Variants in GALNTL6 observed in about 807,000 individuals in gnomAD.
The protein encoded by GALNTL6 is polypeptide N-acetylgalactosaminyltransferase like 6.
GALNTL6 carries 46 observed loss-of-function variants against 73.7 expected under a neutral mutation model. The ratio of observed to expected loss-of-function variants is 0.62; its 90% confidence interval spans 0.49 to 0.80. The LOEUF is 0.80. Ranked by LOEUF, GALNTL6 falls within the 30% of genes least tolerant of loss-of-function variation. GALNTL6 has a pLI of 0.00. For synonymous variants in GALNTL6, 259 were observed against 263.7 expected (o/e 0.98, Z 0.17); for missense variants, 604 against 755.0 (o/e 0.80, Z 2.34).
chr4:172,048,969 GC>G (rs1049196108), intron 2 of GALNTL6, among the ~76,000 whole-genome samples: 19 of 152,110 alleles, frequency 1.2e-4, no homozygotes, highest in African/African-American at 4.6e-4. Flanking sequence ...ATAATAGGAA[GC>G]TTGATAGAGT....
intron 5 of GALNTL6, among the ~76,000 whole-genome samples, chr4:172,435,427 G>A (rs370290328): frequency 1.3e-5 from 2 of 152,122 alleles, no homozygotes; most frequent in Admixed American, 6.6e-5. Context: ...AACCCAGATC[G>A]AATTTTTCAA....
intron 7 of GALNTL6, among the ~76,000 whole-genome samples, chr4:172,837,546 C>A (rs1713513030): frequency 6.6e-6 from 1 of 152,064 alleles, no homozygotes; most frequent in African/African-American, 2.4e-5. Context: ...ATAGAGAAGG[C>A]ATTCCATAAA....
chr4:172,294,954 C>T (rs964517890), intron 3 of GALNTL6, among the ~76,000 whole-genome samples: 1 of 152,060 alleles, frequency 6.6e-6, no homozygotes, highest in South Asian at 2.1e-4. Flanking sequence ...TCATTCATAG[C>T]AAATTCTTAA....
intron 5 of GALNTL6, among the ~76,000 whole-genome samples, chr4:172,540,617 T>TA (rs978726544): frequency 4.6e-5 from 7 of 152,144 alleles, no homozygotes; most frequent in African/African-American, 1.7e-4. Flanking sequence ...AGACAGGATT[T>TA]ACAGGCAAAG....
intron 5 of GALNTL6, among the ~76,000 whole-genome samples, chr4:172,611,878 T>A (rs1485451910): frequency 6.6e-6 from 1 of 152,134 alleles, no homozygotes; most frequent in Non-Finnish European, 1.5e-5. Context: ...TTCATATTAA[T>A]GCCTCATGAT....
chr4:172,746,791 A>G (rs769810053), intron 5 of GALNTL6, among the ~76,000 whole-genome samples: 24 of 152,140 alleles, frequency 1.6e-4, no homozygotes, highest in Non-Finnish European at 2.9e-4. Flanking sequence ...CAAAAACAAG[A>G]CAAGAACGCC....
intron 10 of GALNTL6, among the ~76,000 whole-genome samples, chr4:172,971,171 T>C (rs2126407434): frequency 6.6e-6 from 1 of 152,322 alleles, no homozygotes; most frequent in South Asian, 2.1e-4. Context: ...CATAGGATGA[T>C]GCAGCAAGAA....
intron 8 of GALNTL6, among the ~76,000 whole-genome samples, chr4:172,900,399 C>T (rs1746563462): frequency 1.3e-5 from 2 of 152,114 alleles, no homozygotes; most frequent in African/African-American, 4.8e-5. Flanking sequence ...TTATATCTAC[C>T]AACACCATTC....
intron 5 of GALNTL6, among the ~76,000 whole-genome samples, chr4:172,455,499 T>G (rs1258833746): frequency 6.6e-6 from 1 of 152,164 alleles, no homozygotes; most frequent in Non-Finnish European, 1.5e-5. Flanking sequence ...TGAAGTGACC[T>G]GGGACACTCG....
intron 3 of GALNTL6, among the ~76,000 whole-genome samples, chr4:172,271,716 A>G (rs1232706591): frequency 2.6e-5 from 4 of 152,074 alleles, no homozygotes; most frequent in Non-Finnish European, 5.9e-5. Context: ...GTGTAATTAT[A>G]TAAATATGCA....
At chr4:172,140,283 A>G (rs935011139) in intron 2 of GALNTL6, among the ~76,000 whole-genome samples, 1 of 152,112 alleles carries the variant, frequency 6.6e-6, no homozygotes, top group Admixed American at 6.6e-5. Flanking sequence ...TACATTCAGC[A>G]AGAAAATGAA....
chr4:172,483,634 A>G (rs74829595), intron 5 of GALNTL6, among the ~76,000 whole-genome samples: 5,775 of 152,240 alleles, frequency 0.038, 343 homozygotes, highest in African/African-American at 0.13. Context: ...AACTGGGAGA[A>G]GACTGTGAGT....
At chr4:171,943,068 G>A (rs1452429217) in intron 2 of GALNTL6, among the ~76,000 whole-genome samples, 2 of 152,172 alleles carry the variant, frequency 1.3e-5, no homozygotes, top group Non-Finnish European at 2.9e-5. Flanking sequence ...CAAGGGGGTA[G>A]GATTGTTGTT....
intron 8 of GALNTL6, among the ~76,000 whole-genome samples, chr4:172,904,299 A>G (rs1426909242): frequency 6.6e-6 from 1 of 152,218 alleles, no homozygotes; most frequent in African/African-American, 2.4e-5. Flanking sequence ...CAGAAGAAAT[A>G]GAGAGCGATG....
chr4:172,456,995 G>A (rs1282954142), intron 5 of GALNTL6, among the ~76,000 whole-genome samples: 1 of 152,176 alleles, frequency 6.6e-6, no homozygotes, highest in Non-Finnish European at 1.5e-5. Flanking sequence ...TAGACTAACA[G>A]AGGATCTCTC....
At chr4:172,713,139 A>G (rs879895030) in intron 5 of GALNTL6, among the ~76,000 whole-genome samples, 1 of 152,112 alleles carries the variant, frequency 6.6e-6, no homozygotes, top group Admixed American at 6.6e-5. Flanking sequence ...GTAACTATAC[A>G]AGAAATTTAA....
At chr4:172,020,346 A>T (rs1040772885) in intron 2 of GALNTL6, among the ~76,000 whole-genome samples, 1 of 151,678 alleles carries the variant, frequency 6.6e-6, no homozygotes, top group Non-Finnish European at 1.5e-5. Flanking sequence ...GAAGAAAATA[A>T]TACAAAAGAT....
At chr4:172,519,406 C>G (rs892708608) in intron 5 of GALNTL6, among the ~76,000 whole-genome samples, 2 of 150,916 alleles carry the variant, frequency 1.3e-5, no homozygotes, top group Non-Finnish European at 3.0e-5. Flanking sequence ...GTTGACCAAC[C>G]CTCTTCACCA....
intron 5 of GALNTL6, among the ~76,000 whole-genome samples, chr4:172,451,922 G>A (rs1421851390): frequency 2.0e-5 from 3 of 152,060 alleles, no homozygotes; most frequent in African/African-American, 7.2e-5. Flanking sequence ...GAGGCAAAAA[G>A]GTCTTCTGAG....
Sources: gnomAD v4.1 joint callset for allele counts (sites outside exome capture counted in the v4.1 genomes callset) on GRCh38, gnomAD v4.1.1 for gene constraint, MANE v1.5 for transcripts, NCBI Gene and HGNC (gene_info 2026-07-23, HGNC 2026-07-21) for gene names.